CDH12: variants seen among roughly 807,000 people sequenced by gnomAD.
The protein encoded by CDH12 is cadherin-12.
A neutral mutation model predicts 74.1 loss-of-function variants in CDH12; 41 were observed. That is an observed-to-expected ratio of 0.55 (90% CI 0.43 to 0.72). CDH12 has a LOEUF of 0.72. Among genes scored for constraint, CDH12 ranks in the 30% least tolerant of loss-of-function variants. The pLI, the probability that CDH12 is intolerant of heterozygous loss-of-function variation, is 0.00. For synonymous variants in CDH12, 399 were observed against 355.0 expected (o/e 1.12, Z -1.39); for missense variants, 945 against 977.2 (o/e 0.97, Z 0.44).
intron 2 of CDH12, among the ~76,000 whole-genome samples, chr5:22,412,077 A>T (rs1743192710): frequency 6.6e-6 from 1 of 151,990 alleles, no homozygotes; most frequent in Admixed American, 6.6e-5. Flanking sequence ...GACAGACAGA[A>T]ATTTCACAGA....
At chr5:21,870,467 A>T (rs1370178255) in intron 6 of CDH12, among the ~76,000 whole-genome samples, 2 of 152,144 alleles carry the variant, frequency 1.3e-5, no homozygotes, top group African/African-American at 4.8e-5. Context: ...ACCTTCCACC[A>T]TAGGATAGCA....
chr5:22,302,212 C>A (rs1737915267), intron 3 of CDH12, among the ~76,000 whole-genome samples: 1 of 151,802 alleles, frequency 6.6e-6, no homozygotes, highest in Non-Finnish European at 1.5e-5. Context: ...AAGAAATGAA[C>A]AAAACTAGTA....
intron 1 of CDH12, among the ~76,000 whole-genome samples, chr5:22,810,295 C>G (rs893004987): frequency 3.3e-5 from 5 of 151,962 alleles, no homozygotes; most frequent in Non-Finnish European, 7.4e-5. Context: ...TCTGAGTATG[C>G]GTAAGTGGAT....
chr5:22,692,616 C>T (rs182236098), intron 1 of CDH12, among the ~76,000 whole-genome samples: 202 of 152,188 alleles, frequency 1.3e-3, no homozygotes, highest in African/African-American at 4.6e-3. Flanking sequence ...ACTGGGATAA[C>T]AGCATTCAAG....
At chr5:22,416,297 G>C (rs1191759143) in intron 2 of CDH12, among the ~76,000 whole-genome samples, 14 of 151,434 alleles carry the variant, frequency 9.2e-5, no homozygotes, top group Admixed American at 4.6e-4. Context: ...GGATGGTCTC[G>C]ATCTCCTGAC....
At chr5:22,716,830 A>G (rs1033616976) in intron 1 of CDH12, among the ~76,000 whole-genome samples, 1 of 152,084 alleles carries the variant, frequency 6.6e-6, no homozygotes, top group African/African-American at 2.4e-5. Context: ...AAAGTTTTAA[A>G]AAGTAAACAT....
At chr5:22,007,496 G>A (rs1431133747) in intron 5 of CDH12, among the ~76,000 whole-genome samples, 4 of 152,050 alleles carry the variant, frequency 2.6e-5, no homozygotes, top group Non-Finnish European at 5.9e-5. Flanking sequence ...GACAAACACA[G>A]ACCAGGAAGT....
intron 9 of CDH12, 105 bp from the exon 10 acceptor site, chr5:21,802,525 G>A: frequency 1.1e-6 from 1 of 925,048 alleles, no homozygotes; most frequent in South Asian, 1.7e-5. Flanking sequence ...CAATTATACT[G>A]GTTTAAAATT....
At chr5:22,266,142 C>T (rs1235773653) in intron 3 of CDH12, among the ~76,000 whole-genome samples, 1 of 151,848 alleles carries the variant, frequency 6.6e-6, no homozygotes, top group Non-Finnish European at 1.5e-5. Context: ...ATGGCACAAT[C>T]TCGGCTCACT....
chr5:22,649,803 A>C lies in CDH12; in HGVS notation c.-522-144439T>G, dbSNP rs1287106345. On this transcript the variant is annotated intron_variant, in intron 1 of 14. Transcript: ENST00000382254. ...AAAGGGGAATCATATGATAAAATCCAGATATCCATTATTAGAGAACCTCAA... is the reference window on the plus strand; with the variant it reads ...AAAGGGGAATCATATGATAAAATCCCGATATCCATTATTAGAGAACCTCAA... Among the ~76,000 whole-genome samples the C allele has an allele frequency of 1.3e-5, 2 of 151,980 alleles. 1 individual carries two copies. Among genetic ancestry groups the C allele is most frequent in the Admixed American group, 1.3e-4 (2 of 15,212 alleles).
rs764845205 is a variant in CDH12 at position 21,783,424 on chromosome 5, T to C, written c.1327A>G (p.Thr443Ala). 1.2e-6 allele frequency: 2 copies of C among 1,608,990 alleles called. No homozygotes were observed. Among genetic ancestry groups the C allele is most frequent in the Non-Finnish European group, 8.5e-7 (1 of 1,175,322 alleles). The change falls in exon 11 of 15, where the codon ACT becomes GCT. Residue 443 changes from threonine (T) to alanine (A), a missense_variant. Coordinates refer to ENST00000382254, the MANE Select transcript of CDH12 (RefSeq NM_004061.5). ...TIDGNEGTIA[T>A]NELLDRESTA... ...CTTTCTCTGTCTAGTAATTCATTAG[T>C]GGCGATGGTTCCTTCATTTCCATCT...
intron 6 of CDH12, among the ~76,000 whole-genome samples, chr5:21,972,415 T>A (rs1258406300): frequency 3.3e-5 from 5 of 152,184 alleles, no homozygotes; most frequent in African/African-American, 1.2e-4. Flanking sequence ...CTGGTCTTGA[T>A]TAAAAATTAT....
At chr5:22,576,693 T>C (rs1053940356) in intron 1 of CDH12, among the ~76,000 whole-genome samples, 2 of 151,976 alleles carry the variant, frequency 1.3e-5, no homozygotes, top group African/African-American at 4.8e-5. Flanking sequence ...AAAAATCCTA[T>C]GTAGATCTCC....
At chr5:22,653,705 T>A (rs1739860763) in intron 1 of CDH12, among the ~76,000 whole-genome samples, 1 of 152,192 alleles carries the variant, frequency 6.6e-6, no homozygotes, top group Non-Finnish European at 1.5e-5. Context: ...TTAGATCTTG[T>A]CAGAAGCCTG....
chr5:21,929,461 T>C (rs946160699), intron 6 of CDH12, among the ~76,000 whole-genome samples: 1 of 151,658 alleles, frequency 6.6e-6, no homozygotes, highest in African/African-American at 2.4e-5. Context: ...CAGTCCACAA[T>C]AGGGTTCATG....
At chr5:22,404,271 C>G (rs1449976816) in intron 3 of CDH12, among the ~76,000 whole-genome samples, 1 of 151,918 alleles carries the variant, frequency 6.6e-6, no homozygotes, top group African/African-American at 2.4e-5. Context: ...CACAAACTCA[C>G]CTATTTAGAT....
intron 1 of CDH12, among the ~76,000 whole-genome samples, chr5:22,649,745 C>T (rs918230538): frequency 6.6e-5 from 10 of 152,010 alleles, no homozygotes; most frequent in African/African-American, 1.9e-4. Context: ...ATAATCGCTT[C>T]AGAAAAGCTT....
At chr5:21,798,765 T>C (rs1433039671) in intron 10 of CDH12, among the ~76,000 whole-genome samples, 1 of 152,120 alleles carries the variant, frequency 6.6e-6, no homozygotes, top group Non-Finnish European at 1.5e-5. Context: ...TCTTGGCACA[T>C]TGAACATAAC....
intron 4 of CDH12, among the ~76,000 whole-genome samples, chr5:22,112,990 C>T (rs1744898938): frequency 2.0e-5 from 3 of 152,098 alleles, no homozygotes; most frequent in South Asian, 2.1e-4. Flanking sequence ...GTTATTTTAA[C>T]ATTAAGATGA....
Sources: gnomAD v4.1 joint callset for allele counts (sites outside exome capture counted in the v4.1 genomes callset) on GRCh38, gnomAD v4.1.1 for gene constraint, MANE v1.5 for transcripts, NCBI Gene and HGNC (gene_info 2026-07-23, HGNC 2026-07-21) for gene names.